CLSTN1: variants seen among roughly 807,000 people sequenced by gnomAD.
The protein encoded by CLSTN1 is calsyntenin 1, also known as calsyntenin-1.
In CLSTN1, 28 loss-of-function variants were observed where a neutral mutation model predicts 108.3. That is an observed-to-expected ratio of 0.26 (90% CI 0.19 to 0.35). CLSTN1 has a LOEUF of 0.35. Ranked by LOEUF, CLSTN1 falls within the 10% of genes least tolerant of loss-of-function variation. CLSTN1 has a pLI of 1.00. For synonymous variants in CLSTN1, 524 were observed against 534.9 expected (o/e 0.98, Z 0.28); for missense variants, 1,157 against 1,302.6 (o/e 0.89, Z 1.72).
intron 1 of CLSTN1, among the ~76,000 whole-genome samples, chr1:9,785,040 G>A (rs1653418625): frequency 6.8e-6 from 1 of 146,914 alleles, no homozygotes; most frequent in Non-Finnish European, 1.5e-5. Context: ...CACCCAGGCT[G>A]AAGTGAAATA....
intron 7 of CLSTN1, among the ~76,000 whole-genome samples, chr1:9,747,625 T>C (rs1316709349): frequency 6.6e-6 from 1 of 152,012 alleles, no homozygotes. Context: ...GCCTCCCAAG[T>C]AGCTGGGAGT....
At chr1:9,784,426 T>C (rs967044425) in intron 1 of CLSTN1, among the ~76,000 whole-genome samples, 1 of 152,154 alleles carries the variant, frequency 6.6e-6, no homozygotes, top group African/African-American at 2.4e-5. Flanking sequence ...GAGGAATGTT[T>C]CAGCCCAAGA....
At chr1:9,800,540 A>G (rs1223743395) in intron 1 of CLSTN1, among the ~76,000 whole-genome samples, 3 of 145,168 alleles carry the variant, frequency 2.1e-5, no homozygotes, top group Non-Finnish European at 3.0e-5. Context: ...TAATACAGTG[A>G]AACCCCGTCT....
At chr1:9,794,296 T>C (rs1480398899) in intron 1 of CLSTN1, among the ~76,000 whole-genome samples, 1 of 151,398 alleles carries the variant, frequency 6.6e-6, no homozygotes, top group African/African-American at 2.4e-5. Flanking sequence ...CTGTTGACCG[T>C]ATATTTTCAT....
At chr1:9,781,282 G>T in intron 1 of CLSTN1, 1 of 701,236 alleles carries the variant, frequency 1.4e-6, no homozygotes. Flanking sequence ...AGCTCTGCAA[G>T]AGGATTTAAA....
chr1:9,744,772 C>T (rs539441963), intron 7 of CLSTN1, 129 bp from the exon 8 acceptor site: 31 of 1,149,810 alleles, frequency 2.7e-5, no homozygotes, highest in African/African-American at 2.5e-4. Flanking sequence ...TTTTTTCTTT[C>T]GAGACAGAGT....
rs1326406289 is a variant in CLSTN1 at position 9,744,431 on chromosome 1, T to C, written c.1198A>G (p.Lys400Glu). The C allele has an allele frequency of 3.7e-6, 6 of 1,610,400 alleles. No individual in the cohort carries two copies. The African/African-American group carries it at 4.0e-5, about 11-fold the overall frequency. Residue 400 changes from lysine (K) to glutamate (E), a missense_variant, in exon 8 of 19, where the codon AAG becomes GAG. Transcript: ENST00000377298. ...GAACTGCAAAGAATTGTCTCCTTCTTCCTGCCGAATGGCCCATGTCTCATC... is the reference window on the plus strand; with the variant it reads ...GAACTGCAAAGAATTGTCTCCTTCTCCCTGCCGAATGGCCCATGTCTCATC... ...VWMRHGPFGR[K>E]KETILCSSDK...
Position 9,731,765 on chromosome 1 carries a change from G to A in CLSTN1, c.2559C>T (p.Phe853=), listed in dbSNP as rs762612911. ...SGHNLANPHP[F]AVVPSTATVV... ...GTCTCCCTCCCCATGTCCTACCTGC[G>A]AACGGGTGGGGGTTGGCCAGGTTGT... The change falls in exon 17 of 19, where the codon TTC becomes TTT. Residue 853 remains phenylalanine (F), a synonymous_variant. Coordinates refer to ENST00000377298, the MANE Select transcript of CLSTN1 (RefSeq NM_001009566.3). The A allele has an allele frequency of 4.3e-5, 69 of 1,614,092 alleles. No homozygotes were observed. The highest frequency in any genetic ancestry group is 1.3e-4 in the East Asian group (6 of 44,900).
intron 1 of CLSTN1, chr1:9,781,222 TG>T (rs1347221297): frequency 1.3e-6 from 1 of 768,540 alleles, no homozygotes; most frequent in East Asian, 2.5e-5. Context: ...TAAAGGCTGC[TG>T]AAAATATGAC....
chr1:9,791,598 C>G (rs1653773748), intron 1 of CLSTN1, among the ~76,000 whole-genome samples: 1 of 150,994 alleles, frequency 6.6e-6, no homozygotes, highest in African/African-American at 2.4e-5. Flanking sequence ...GTGGCACAGC[C>G]TCAGCTCACT....
intron 1 of CLSTN1, among the ~76,000 whole-genome samples, chr1:9,783,997 A>AAAT (rs1000699902): frequency 1.9e-4 from 29 of 150,470 alleles, no homozygotes; most frequent in African/African-American, 5.1e-4. Context: ...CCATCTCAAA[A>AAAT]AATAATAATA....
At position 9,809,792 on chromosome 1, in the gene CLSTN1, T is replaced by C. The variant is rs1433374373; in HGVS notation, c.91+13851A>G. 3.3e-5 allele frequency among the ~76,000 whole-genome samples: 5 copies of C among 150,982 alleles called. No homozygotes were observed. The Admixed American group carries it at 3.3e-4, about 10-fold the overall frequency. On this transcript the variant is annotated intron_variant, in intron 1 of 18. Transcript: ENST00000377298. ...GGTGGGTGCCTATAATCCCAGCTAC[T>C]CGGGAGGGTGAGACAGAAGAACTGC... is the stretch of plus-strand genomic sequence containing the variant.
intron 2 of CLSTN1, among the ~76,000 whole-genome samples, chr1:9,769,545 G>A (rs761256434): frequency 9.9e-5 from 15 of 152,154 alleles, no homozygotes; most frequent in Non-Finnish European, 1.6e-4. Context: ...ACAAAAAGCC[G>A]TACAGTGCAT....
intron 1 of CLSTN1, among the ~76,000 whole-genome samples, chr1:9,789,514 C>G (rs559651511): frequency 6.6e-6 from 1 of 151,564 alleles, no homozygotes; most frequent in South Asian, 2.2e-4. Context: ...ATGATCCACG[C>G]AGAATGAATC....
At chr1:9,751,751 ATG>A (rs1651572434) in intron 4 of CLSTN1, 70 bp from the exon 5 acceptor site, 2 of 1,380,396 alleles carry the variant, frequency 1.4e-6, no homozygotes, top group South Asian at 1.2e-5. Flanking sequence ...GAGAGTGTGT[ATG>A]TGTGTTTACC....
chr1:9,765,830 TCGCGCCACTGCA>T (rs1431343112), intron 2 of CLSTN1, among the ~76,000 whole-genome samples: 2 of 151,586 alleles, frequency 1.3e-5, no homozygotes, highest in Non-Finnish European at 2.9e-5. Context: ...TGAGCCAAGA[TCGCGCCACTGCA>T]CTCCAGCCTG....
chr1:9,748,339 C>G (rs1651382196), intron 7 of CLSTN1, among the ~76,000 whole-genome samples: 1 of 152,200 alleles, frequency 6.6e-6, no homozygotes, highest in Non-Finnish European at 1.5e-5. Context: ...ACCTAGCCTT[C>G]TGGTGGGTTT....
At chr1:9,815,976 T>C (rs1006493607) in intron 1 of CLSTN1, among the ~76,000 whole-genome samples, 1 of 151,828 alleles carries the variant, frequency 6.6e-6, no homozygotes, top group Non-Finnish European at 1.5e-5. Flanking sequence ...AATCTAAGAG[T>C]TACCCTAAGA....
chr1:9,750,793 G>A (rs1468398626), intron 5 of CLSTN1, among the ~76,000 whole-genome samples: 2 of 150,122 alleles, frequency 1.3e-5, no homozygotes, highest in Non-Finnish European at 3.0e-5. Context: ...GCTCACACAT[G>A]TAATCCCAGC....
Sources: allele counts gnomAD v4.1 joint callset (sites outside exome capture counted in the v4.1 genomes callset), GRCh38; gene constraint gnomAD v4.1.1; transcripts MANE v1.5; gene names NCBI Gene and HGNC (gene_info 2026-07-23, HGNC 2026-07-21).